The following RAP1A variants were observed in gnomAD, a reference collection of about 807,000 sequenced individuals.
RAP1A encodes the protein RAP1A, member of RAS oncogene family.
Under a neutral mutation model 26.4 loss-of-function variants are expected in RAP1A, and 6 were observed. The observed-to-expected ratio is 0.23, with a 90% confidence interval of 0.12 to 0.45. The LOEUF (loss-of-function observed/expected upper bound fraction) is 0.45. Ranked by LOEUF, RAP1A falls within the 20% of genes least tolerant of loss-of-function variation. The pLI is 0.99. For missense variants in RAP1A, 121 were observed against 217.2 expected (o/e 0.56, Z 2.78); for synonymous variants, 73 against 79.4 (o/e 0.92, Z 0.43).
At chr1:111,707,871 A>G (rs1662244800) in intron 6 of RAP1A, among the ~76,000 whole-genome samples, 1 of 152,190 alleles carries the variant, frequency 6.6e-6, no homozygotes, top group Non-Finnish European at 1.5e-5. Flanking sequence ...AATCCACAAG[A>G]TGTATTAACA....
rs1662517062 is a variant in RAP1A at position 111,715,465 on chromosome 1, C to T, written c.*3064C>T. On this transcript the variant is annotated 3_prime_UTR_variant, in exon 8 of 8. Coordinates refer to ENST00000369709, the MANE Select transcript of RAP1A (RefSeq NM_002884.4). ...GTTCACAAAAAGGCATAGAGACATTCTCTCAAGAGTTTACAATCTAATTGG... is the reference window on the plus strand; with the variant it reads ...GTTCACAAAAAGGCATAGAGACATTTTCTCAAGAGTTTACAATCTAATTGG... 2.6e-5 allele frequency: 4 copies of T among 152,224 alleles called. No individual in the cohort carries two copies. The South Asian group carries it at 8.3e-4, about 32-fold the overall frequency. 9.4% of individuals were successfully genotyped at this position (152,224 alleles called of 1,614,324 possible).
At chr1:111,641,753 A>G (rs1215748433) in intron 1 of RAP1A, among the ~76,000 whole-genome samples, 1 of 152,172 alleles carries the variant, frequency 6.6e-6, no homozygotes, top group African/African-American at 2.4e-5. Context: ...TAGTGTTTGT[A>G]TACTTTAATT....
At chr1:111,672,390 A>G (rs2101185574) in intron 1 of RAP1A, among the ~76,000 whole-genome samples, 1 of 152,348 alleles carries the variant, frequency 6.6e-6, no homozygotes, top group East Asian at 1.9e-4. Context: ...AGGATACTGC[A>G]AGAAATTCAT....
rs188571666 is a variant in RAP1A at position 111,667,941 on chromosome 1, G to C, written c.-27-23393G>C. ...TGGTTTCATTGCCTTCGCAGACATA[G>C]AGGATAGGAGACTAAGCTCAGTCTA... On this transcript the variant is annotated intron_variant, in intron 1 of 7. Coordinates refer to ENST00000369709, the MANE Select transcript of RAP1A (RefSeq NM_002884.4). Among the ~76,000 whole-genome samples, 206 of 152,286 alleles carry C rather than the reference G, an allele frequency of 1.4e-3. 1 individual carries two copies. The highest frequency in any genetic ancestry group is 4.1e-4 in the Non-Finnish European group (28 of 68,030).
chr1:111,651,038 G>A (rs1472473115), intron 1 of RAP1A, among the ~76,000 whole-genome samples: 2 of 151,944 alleles, frequency 1.3e-5, no homozygotes, highest in Non-Finnish European at 1.5e-5. Context: ...TCCTGACCTC[G>A]TGATCCGCCC....
intron 1 of RAP1A, chr1:111,563,720 CG>C: frequency 5.8e-6 from 4 of 695,320 alleles, no homozygotes; most frequent in Non-Finnish European, 1.0e-5. Flanking sequence ...CTATTTTACA[CG>C]CTAGGACAAA....
intron 1 of RAP1A, among the ~76,000 whole-genome samples, chr1:111,543,380 C>A (rs1288020355): frequency 1.3e-5 from 2 of 152,108 alleles, no homozygotes; most frequent in Non-Finnish European, 2.9e-5. Flanking sequence ...AAGGGAAAAA[C>A]CATCCTGTCT....
chr1:111,627,922 C>A (rs1346456545), intron 1 of RAP1A, among the ~76,000 whole-genome samples: 3 of 149,736 alleles, frequency 2.0e-5, no homozygotes, highest in Admixed American at 2.0e-4. Flanking sequence ...TCACATGGTT[C>A]TGACTTTGAA....
At chr1:111,549,765 C>G (rs1384305436) in intron 1 of RAP1A, among the ~76,000 whole-genome samples, 1 of 152,134 alleles carries the variant, frequency 6.6e-6, no homozygotes, top group Non-Finnish European at 1.5e-5. Context: ...CCTTCCACTG[C>G]AGCCCCCCAT....
intron 1 of RAP1A, among the ~76,000 whole-genome samples, chr1:111,578,506 CA>C (rs34648455): frequency 0.53 from 79,835 of 150,828 alleles, 22,100 homozygotes; most frequent in Non-Finnish European, 0.6. Context: ...AAAAAAACCA[CA>C]AAAAAAAATT....
chr1:111,648,409 G>T, intron 1 of RAP1A: 1 of 607,654 alleles, frequency 1.6e-6, no homozygotes. Flanking sequence ...CACCAAGATT[G>T]AAGTCCTTGC....
intron 1 of RAP1A, among the ~76,000 whole-genome samples, chr1:111,558,324 C>T (rs866413345): frequency 2.6e-5 from 4 of 151,108 alleles, no homozygotes; most frequent in Admixed American, 6.6e-5. Flanking sequence ...ACTACAGGCA[C>T]GTGCCACCAC....
rs188136652 is a variant in RAP1A at position 111,699,835 on chromosome 1, T to A, written c.183+2338T>A. On this transcript the variant is annotated intron_variant, in intron 4 of 7. Transcript: ENST00000369709. ...TAGTCCATTTATCCTAACATCTTTT[T>A]ATTATCCCTTATATCTTCAACCCCC... Among the ~76,000 whole-genome samples, 577 of 152,224 alleles carry A rather than the reference T, an allele frequency of 3.8e-3. 7 individuals carry two copies. Among genetic ancestry groups the A allele is most frequent in the South Asian group, 2.9e-3 (14 of 4,824 alleles).
Position 111,676,796 on chromosome 1 carries a change from AT to A in RAP1A, c.-27-14525del, listed in dbSNP as rs559287814. Among the ~76,000 whole-genome samples, 427 of 143,726 alleles carry A rather than the reference AT, an allele frequency of 3.0e-3. 4 individuals are homozygous for A. In the South Asian group the frequency reaches 0.03, roughly 10 times the overall value. The allele number at this position is 143,726 out of a possible 152,430, so 94.3% of individuals were successfully genotyped here. On this transcript the variant is annotated intron_variant, in intron 1 of 7. Transcript: ENST00000369709. ...CTAGATTTTATTTTATCTTCTCTAG[AT>A]TTTTTTTTTTTTAAGAGACCAAGTC... is the stretch of plus-strand genomic sequence containing the variant.
chr1:111,674,233 C>T (rs556127983), intron 1 of RAP1A, among the ~76,000 whole-genome samples: 20 of 151,676 alleles, frequency 1.3e-4, no homozygotes, highest in Admixed American at 5.3e-4. Context: ...CATCCTTTTA[C>T]GTGAAATATA....
intron 1 of RAP1A, among the ~76,000 whole-genome samples, chr1:111,589,609 C>T (rs1040461537): frequency 1.3e-5 from 2 of 152,152 alleles, no homozygotes; most frequent in African/African-American, 4.8e-5. Context: ...TCCATTTCTA[C>T]CTGTTTAAAT....
At chr1:111,594,648 C>T (rs1658532836) in intron 1 of RAP1A, among the ~76,000 whole-genome samples, 1 of 151,728 alleles carries the variant, frequency 6.6e-6, no homozygotes, top group South Asian at 2.1e-4. Flanking sequence ...AAGACCGAGA[C>T]CAAAGACTTG....
At chr1:111,615,759 AG>A (rs1292631846), upstream of RAP1A, among the ~76,000 whole-genome samples, 2 of 142,612 alleles carry the variant, frequency 1.4e-5, no homozygotes, top group Non-Finnish European at 3.0e-5. Context: ...TGAACCTGGG[AG>A]GTGGAGGTTG....
intron 1 of RAP1A, among the ~76,000 whole-genome samples, chr1:111,594,113 A>C (rs1220845646): frequency 6.6e-6 from 1 of 152,154 alleles, no homozygotes; most frequent in Admixed American, 6.5e-5. Context: ...CTTTGATTTT[A>C]TCTTCTGCAG....
Sources: gnomAD v4.1 joint callset for allele counts (sites outside exome capture counted in the v4.1 genomes callset) on GRCh38, gnomAD v4.1.1 for gene constraint, MANE v1.5 for transcripts, NCBI Gene and HGNC (gene_info 2026-07-23, HGNC 2026-07-21) for gene names.